MARCHF1: variants seen among roughly 807,000 people sequenced by gnomAD.
The protein encoded by MARCHF1 is E3 ubiquitin-protein ligase MARCHF1.
A neutral mutation model predicts 54.2 loss-of-function variants in MARCHF1; 40 were observed. The observed-to-expected ratio is 0.74, with a 90% CI of 0.57 to 0.96. The LOEUF (loss-of-function observed/expected upper bound fraction) is 0.96. MARCHF1 is among the 40% of genes least tolerant of loss of function. The probability of loss-of-function intolerance (pLI) is 0.00; values close to 1 mark genes in which losing one functional copy is unlikely to be tolerated. For synonymous variants in MARCHF1, 236 were observed against 236.3 expected (o/e 1.00, Z 0.01); for missense variants, 586 against 656.5 (o/e 0.89, Z 1.17).
intron 1 of MARCHF1, among the ~76,000 whole-genome samples, chr4:164,305,600 G>GA (rs1446411783): frequency 6.6e-6 from 1 of 151,950 alleles, no homozygotes; most frequent in Admixed American, 6.6e-5. Context: ...TGTTTTTTAA[G>GA]AAAAAATAAA....
chr4:163,541,539 A>G (rs1013795174), intron 9 of MARCHF1, among the ~76,000 whole-genome samples: 4 of 152,138 alleles, frequency 2.6e-5, no homozygotes, highest in African/African-American at 9.7e-5. Flanking sequence ...TTTTCCTGTC[A>G]TCGCAGGGGA....
chr4:164,094,944 C>A (rs1292729749), intron 2 of MARCHF1, among the ~76,000 whole-genome samples: 1 of 151,990 alleles, frequency 6.6e-6, no homozygotes, highest in Non-Finnish European at 1.5e-5. Flanking sequence ...ATAACTGTAT[C>A]ATAACAATAA....
rs549179434 is a variant in MARCHF1 at position 163,939,110 on chromosome 4, T to G, written c.-39+49391A>C. On this transcript the variant is annotated intron_variant, in intron 3 of 9. Transcript: ENST00000514618. ...TGCTAGTAGGTAGAGACTTTATATT[T>G]GAAATGCCCTGAGCAGTATATTTCT... Among the ~76,000 whole-genome samples the G allele has an allele frequency of 8.5e-5, 13 of 152,288 alleles. No individual in the cohort carries two copies. The South Asian group carries it at 2.7e-3, about 32-fold the overall frequency.
chr4:163,819,423 G>A (rs1579312233), intron 4 of MARCHF1, among the ~76,000 whole-genome samples: 2 of 152,030 alleles, frequency 1.3e-5, no homozygotes, highest in South Asian at 4.1e-4. Flanking sequence ...GAGTAGCAGA[G>A]CTTTGCATAA....
At chr4:163,849,636 T>C (rs1195222691) in intron 4 of MARCHF1, among the ~76,000 whole-genome samples, 1 of 152,154 alleles carries the variant, frequency 6.6e-6, no homozygotes, top group Admixed American at 6.6e-5. Context: ...GGTATCAGGG[T>C]AGAAGTGATG....
chr4:164,166,014 T>C (rs1413155453), intron 1 of MARCHF1, among the ~76,000 whole-genome samples: 2 of 152,002 alleles, frequency 1.3e-5, no homozygotes, highest in African/African-American at 4.8e-5. Flanking sequence ...CAGCAAATGA[T>C]GTAGCAACTC....
intron 5 of MARCHF1, among the ~76,000 whole-genome samples, chr4:163,676,507 G>T (rs1411607010): frequency 6.6e-6 from 1 of 152,158 alleles, no homozygotes; most frequent in Non-Finnish European, 1.5e-5. Context: ...AGCACTTTGG[G>T]AGGCTAAAGC....
At chr4:163,669,713 C>G (rs1344857611) in intron 5 of MARCHF1, among the ~76,000 whole-genome samples, 1 of 151,876 alleles carries the variant, frequency 6.6e-6, no homozygotes, top group Non-Finnish European at 1.5e-5. Flanking sequence ...CTTCTCCTAC[C>G]TAAGCCTCTC....
chr4:164,060,632 A>T (rs1207515361), intron 2 of MARCHF1, among the ~76,000 whole-genome samples: 1 of 152,152 alleles, frequency 6.6e-6, no homozygotes, highest in Non-Finnish European at 1.5e-5. Flanking sequence ...ATTTTCCAAT[A>T]ACTGAATAGC....
chr4:163,807,700 A>T (rs4257616), intron 4 of MARCHF1, among the ~76,000 whole-genome samples: 1 of 152,172 alleles, frequency 6.6e-6, no homozygotes, highest in Non-Finnish European at 1.5e-5. Context: ...AATACTTCAC[A>T]TATAAAATTA....
intron 8 of MARCHF1, among the ~76,000 whole-genome samples, chr4:163,567,792 T>G (rs1196926490): frequency 2.0e-5 from 3 of 152,322 alleles, no homozygotes; most frequent in African/African-American, 7.2e-5. Context: ...ATCAGCAGCA[T>G]GTAAACAGAC....
At chr4:164,233,241 C>CAA (rs150148007) in intron 1 of MARCHF1, among the ~76,000 whole-genome samples, 3,376 of 147,844 alleles carry the variant, frequency 0.023, 101 homozygotes, top group East Asian at 0.12. Context: ...CTGTTTATTT[C>CAA]AAAAAAAAAA....
At chr4:163,834,093 G>A (rs1262240270) in intron 4 of MARCHF1, among the ~76,000 whole-genome samples, 1 of 152,130 alleles carries the variant, frequency 6.6e-6, no homozygotes, top group African/African-American at 2.4e-5. Context: ...CAAGGAGAAA[G>A]AGACAATATG....
intron 5 of MARCHF1, among the ~76,000 whole-genome samples, chr4:163,689,881 A>G (rs950929847): frequency 1.3e-5 from 2 of 152,218 alleles, no homozygotes; most frequent in African/African-American, 4.8e-5. Flanking sequence ...TGCCCTATCA[A>G]AGAGTTTAAA....
At chr4:163,884,294 T>C (rs1750482869) in intron 3 of MARCHF1, among the ~76,000 whole-genome samples, 1 of 152,160 alleles carries the variant, frequency 6.6e-6, no homozygotes, top group Non-Finnish European at 1.5e-5. Context: ...GATTCTGATA[T>C]TAAGCAAATA....
At chr4:164,346,268 A>C (rs1158173876) in intron 1 of MARCHF1, among the ~76,000 whole-genome samples, 1 of 152,166 alleles carries the variant, frequency 6.6e-6, no homozygotes, top group Non-Finnish European at 1.5e-5. Context: ...GAGACAAAGG[A>C]CATACTGGCA....
intron 2 of MARCHF1, among the ~76,000 whole-genome samples, chr4:163,999,550 T>C (rs972534371): frequency 6.6e-6 from 1 of 151,074 alleles, no homozygotes; most frequent in African/African-American, 2.4e-5. Context: ...AACAGCACTT[T>C]TCAAAAAATA....
At chr4:164,040,127 A>T (rs13119505) in intron 2 of MARCHF1, among the ~76,000 whole-genome samples, 52,559 of 144,022 alleles carry the variant, frequency 0.36, 10,533 homozygotes, top group African/African-American at 0.52. Context: ...AAAGGTATTT[A>T]AAAATATTTT....
intron 3 of MARCHF1, among the ~76,000 whole-genome samples, chr4:163,934,559 TA>T (rs1261722130): frequency 9.8e-6 from 1 of 102,452 alleles, no homozygotes; most frequent in African/African-American, 3.8e-5. Flanking sequence ...ATTCCATCTC[TA>T]AAAACTCTTT....
Sources: gnomAD v4.1 joint callset for allele counts (sites outside exome capture counted in the v4.1 genomes callset) on GRCh38, gnomAD v4.1.1 for gene constraint, MANE v1.5 for transcripts, NCBI Gene and HGNC (gene_info 2026-07-23, HGNC 2026-07-21) for gene names.